GREM2: variants seen among roughly 807,000 people sequenced by gnomAD.
The protein encoded by GREM2 is gremlin 2, DAN family BMP antagonist, also known as gremlin-2.
Under a neutral mutation model 14.2 loss-of-function variants are expected in GREM2, and 11 were observed. The observed-to-expected ratio is 0.78, with a 90% CI of 0.49 to 1.28. GREM2 has a LOEUF of 1.28. GREM2 is among the 50% of genes most tolerant of loss of function. The probability of loss-of-function intolerance (pLI) is 0.00; values close to 1 mark genes in which losing one functional copy is unlikely to be tolerated. For missense variants in GREM2, 210 were observed against 218.5 expected, an observed-to-expected ratio of 0.96 and a Z score of 0.24; for synonymous variants, 98 against 97.6, an observed-to-expected ratio of 1.00 and a Z score of -0.02.
At chr1:240,506,310 C>A (rs1458190476) in intron 1 of GREM2, among the ~76,000 whole-genome samples, 1 of 152,100 alleles carries the variant, frequency 6.6e-6, no homozygotes, top group African/African-American at 2.4e-5. Context: ...GCCTCTCTTT[C>A]CTGACAGTTT....
chr1:240,539,859 T>C (rs1678548077), intron 1 of GREM2, among the ~76,000 whole-genome samples: 1 of 152,240 alleles, frequency 6.6e-6, no homozygotes, highest in Non-Finnish European at 1.5e-5. Context: ...ACACTTTGCT[T>C]GCCCACATCT....
rs143133226 is a variant in GREM2, at chr1:240,513,709, G to A, written c.-1-20233C>T. On this transcript the variant is annotated intron_variant, in intron 1 of 1. Transcript: ENST00000318160. ...CAGATCATGCATGGTCTTATGGACC[G>A]TGATAAATGTTTGGATTCTGTGTTT... Among the ~76,000 whole-genome samples, 578 of 152,278 alleles carry A rather than the reference G, an allele frequency of 3.8e-3. 1 individual carries two copies. The highest frequency in any genetic ancestry group is 5.2e-3 in the Non-Finnish European group (351 of 68,022).
chr1:240,534,398 G>T (rs1411698319), intron 1 of GREM2, among the ~76,000 whole-genome samples: 1 of 152,130 alleles, frequency 6.6e-6, no homozygotes, highest in Non-Finnish European at 1.5e-5. Context: ...GCAGTTAAGA[G>T]AGTGCAAAAG....
chr1:240,497,013 C>A (rs58440419), intron 1 of GREM2, among the ~76,000 whole-genome samples: 125 of 151,682 alleles, frequency 8.2e-4, no homozygotes, highest in African/African-American at 2.9e-3. Flanking sequence ...AAGAGTGAAA[C>A]TCCATCTCAA....
intron 1 of GREM2, among the ~76,000 whole-genome samples, chr1:240,532,729 A>T (rs572867661): frequency 6.6e-6 from 1 of 152,224 alleles, no homozygotes; most frequent in African/African-American, 2.4e-5. Flanking sequence ...CATCATCATC[A>T]CCATCACCAT....
At position 240,543,498 on chromosome 1, in the gene GREM2, G is replaced by A. The variant is rs532982642; in HGVS notation, c.-1-50022C>T. Reference sequence around the variant, plus strand: ...ATTCACTACCATGATAACAGTAGGGGGGAAACCGCCCTTGTGATTCAATTA... The same window carrying A: ...ATTCACTACCATGATAACAGTAGGGAGGAAACCGCCCTTGTGATTCAATTA... On this transcript the variant is annotated intron_variant, in intron 1 of 1. Transcript: ENST00000318160. This position sits in a 1 kb window ranked among gnomAD's most constrained non-coding sequence, Gnocchi z 6.4. 2.6e-5 allele frequency among the ~76,000 whole-genome samples: 4 copies of A among 152,222 alleles called. No homozygotes were observed. The East Asian group carries it at 7.8e-4, about 30-fold the overall frequency.
At chr1:240,546,658 T>G (rs1232012609) in intron 1 of GREM2, among the ~76,000 whole-genome samples, 1 of 152,196 alleles carries the variant, frequency 6.6e-6, no homozygotes, top group Non-Finnish European at 1.5e-5. Context: ...GTATCTGTAT[T>G]TTAAAGATGT....
chr1:240,564,524 A>AAAAT (rs1020071270), intron 1 of GREM2, among the ~76,000 whole-genome samples: 2 of 151,368 alleles, frequency 1.3e-5, no homozygotes, highest in East Asian at 2.0e-4. Flanking sequence ...AAAAAAAATT[A>AAAAT]AAATAAATAA....
chr1:240,530,273 T>G (rs1409225376), intron 1 of GREM2, among the ~76,000 whole-genome samples: 1 of 152,188 alleles, frequency 6.6e-6, no homozygotes, highest in Non-Finnish European at 1.5e-5. Context: ...AATGTGCAGA[T>G]TTCCTGAATT....
At chr1:240,546,547 A>G (rs1678724254) in intron 1 of GREM2, among the ~76,000 whole-genome samples, 1 of 152,170 alleles carries the variant, frequency 6.6e-6, no homozygotes, top group African/African-American at 2.4e-5. Flanking sequence ...ATGTTCCTAC[A>G]TAGAGTTTTG....
At chr1:240,494,267 A>C (rs992593127) in intron 1 of GREM2, among the ~76,000 whole-genome samples, 1 of 152,198 alleles carries the variant, frequency 6.6e-6, no homozygotes, top group Non-Finnish European at 1.5e-5. Flanking sequence ...CAGTGAAGGA[A>C]ACTGAGGCTG....
At chr1:240,598,646 T>TA (rs1465853469) in intron 1 of GREM2, among the ~76,000 whole-genome samples, 7 of 152,182 alleles carry the variant, frequency 4.6e-5, no homozygotes, top group East Asian at 1.9e-4. Flanking sequence ...TAGTTTTTTT[T>TA]ATCTTCCCTG....
chr1:240,560,009 T>G lies in GREM2; in HGVS notation c.-2+51875A>C, dbSNP rs531660691. Among the ~76,000 whole-genome samples, 255 of 152,142 alleles carry G rather than the reference T, an allele frequency of 1.7e-3. 3 individuals carry two copies. The highest frequency in any genetic ancestry group is 2.2e-3 in the Admixed American group (34 of 15,268). On this transcript the variant is annotated intron_variant, in intron 1 of 1. Transcript: ENST00000318160. ...AGGAAGTATCAAAAAGACATCTGAG[T>G]CCCTGGAGCACGCCTGTGGTCCCAG... is the stretch of plus-strand genomic sequence containing the variant.
At chr1:240,501,832 C>T (rs149267223) in intron 1 of GREM2, among the ~76,000 whole-genome samples, 6 of 152,072 alleles carry the variant, frequency 3.9e-5, no homozygotes, top group Admixed American at 2.6e-4. Context: ...GAATGTGACA[C>T]TGAAATCACA....
chr1:240,594,217 G>A (rs556499077), intron 1 of GREM2, among the ~76,000 whole-genome samples: 1 of 152,100 alleles, frequency 6.6e-6, no homozygotes, highest in Non-Finnish European at 1.5e-5. Context: ...GCCTCCCAAA[G>A]TGTTGGGATT....
chr1:240,552,101 G>A (rs934751724), intron 1 of GREM2, among the ~76,000 whole-genome samples: 1 of 152,112 alleles, frequency 6.6e-6, no homozygotes, highest in Non-Finnish European at 1.5e-5. Flanking sequence ...GATTTTTCTT[G>A]TAGCAGTAAT....
Position 240,495,878 on chromosome 1 carries a change from A to T in GREM2, c.-1-2402T>A, listed in dbSNP as rs138410858. The stretch of plus-strand genomic sequence containing the variant: ...ATGGAACGTTTATTCTGGAGTAAGC[A>T]CTGTCATAGGCTTTGTGAATTCCAG... On this transcript the variant is annotated intron_variant, in intron 1 of 1. Coordinates refer to ENST00000318160, the MANE Select transcript of GREM2 (RefSeq NM_022469.4). Among the ~76,000 whole-genome samples, 7 of 152,274 alleles carry T rather than the reference A, an allele frequency of 4.6e-5. No homozygotes were observed. The East Asian group carries it at 1.4e-3, about 29-fold the overall frequency.
intron 1 of GREM2, chr1:240,588,713 GT>G (rs1679649044): frequency 6.6e-6 from 1 of 152,188 alleles, no homozygotes; most frequent in Non-Finnish European, 1.5e-5. Flanking sequence ...TATGTCAAAA[GT>G]GAAGTTGACT....
At chr1:240,513,665 G>A (rs1421944278) in intron 1 of GREM2, among the ~76,000 whole-genome samples, 1 of 152,024 alleles carries the variant, frequency 6.6e-6, no homozygotes, top group East Asian at 1.9e-4. Context: ...CCAGAGATGG[G>A]GATACGGCAG....
Sources: gnomAD v4.1 joint callset for allele counts (sites outside exome capture counted in the v4.1 genomes callset) on GRCh38, gnomAD v4.1.1 for gene constraint, Gnocchi (gnomAD v3.1) non-coding constraint, MANE v1.5 for transcripts, NCBI Gene and HGNC (gene_info 2026-07-23, HGNC 2026-07-21) for gene names.